RBMS3: variants seen among roughly 807,000 people sequenced by gnomAD.
RBMS3 encodes RNA-binding motif, single-stranded-interacting protein 3.
RBMS3 carries 27 observed loss-of-function variants against 66.8 expected under a neutral mutation model. The ratio of observed to expected loss-of-function variants is 0.40; its 90% CI spans 0.30 to 0.56. RBMS3 has a LOEUF of 0.56. Among genes scored for constraint, RBMS3 ranks in the 20% least tolerant of loss-of-function variants. The pLI is 0.40. For synonymous variants in RBMS3, 188 were observed against 183.0 expected, an observed-to-expected ratio of 1.03 and a Z score of -0.22; for missense variants, 513 against 549.5, an observed-to-expected ratio of 0.93 and a Z score of 0.66.
Position 29,431,903 on chromosome 3 carries a change from T to A in RBMS3, c.76-2840T>A, listed in dbSNP as rs1559356079. Among the ~76,000 whole-genome samples the A allele has an allele frequency of 1.3e-5, 2 of 152,060 alleles. 1 individual carries two copies. The highest frequency in any genetic ancestry group is 6.8e-3 in the Middle Eastern group (2 of 294). On this transcript the variant is annotated intron_variant, in intron 1 of 14. Transcript: ENST00000383767. Reference sequence around the variant, plus strand: ...ACCACACCCAGCTAATTTTTGTGTATTTTTTATAGAGATGGGGTTTTGCCA... The same window carrying A: ...ACCACACCCAGCTAATTTTTGTGTAATTTTTATAGAGATGGGGTTTTGCCA...
intron 5 of RBMS3, among the ~76,000 whole-genome samples, chr3:29,753,243 C>G (rs576077976): frequency 6.6e-6 from 1 of 152,076 alleles, no homozygotes; most frequent in East Asian, 1.9e-4. Context: ...AGGCAGTGCA[C>G]CTAGATATTT....
intron 1 of RBMS3, among the ~76,000 whole-genome samples, chr3:29,311,292 T>C (rs932610186): frequency 6.6e-6 from 1 of 151,742 alleles, no homozygotes; most frequent in African/African-American, 2.4e-5. Context: ...CTTCTCTGAA[T>C]TGAAATTGAG....
At chr3:29,340,118 A>G (rs2036195596) in intron 1 of RBMS3, among the ~76,000 whole-genome samples, 1 of 152,192 alleles carries the variant, frequency 6.6e-6, no homozygotes. Context: ...ATAGGAAGAT[A>G]TTTTGATAGA....
intron 10 of RBMS3, among the ~76,000 whole-genome samples, chr3:29,904,476 T>C (rs1204662801): frequency 6.6e-6 from 1 of 152,002 alleles, no homozygotes; most frequent in East Asian, 1.9e-4. Flanking sequence ...TCAATAAATA[T>C]GAGCCATATA....
At chr3:29,627,658 G>A (rs2049118608) in intron 4 of RBMS3, among the ~76,000 whole-genome samples, 1 of 152,054 alleles carries the variant, frequency 6.6e-6, no homozygotes, top group African/African-American at 2.4e-5. Flanking sequence ...ATAAGTGTTT[G>A]CCTTTTAATA....
chr3:29,431,772 C>T (rs2041216065), intron 1 of RBMS3, among the ~76,000 whole-genome samples: 1 of 152,106 alleles, frequency 6.6e-6, no homozygotes, highest in African/African-American at 2.4e-5. Context: ...GTTGCCCAGG[C>T]TAGAGTGCAG....
At chr3:29,453,470 A>G (rs2042078416) in intron 2 of RBMS3, among the ~76,000 whole-genome samples, 1 of 152,190 alleles carries the variant, frequency 6.6e-6, no homozygotes, top group African/African-American at 2.4e-5. Flanking sequence ...TGGTTATTGC[A>G]GCGAATCCGA....
chr3:29,404,833 C>T (rs939384779), intron 1 of RBMS3, among the ~76,000 whole-genome samples: 1 of 152,096 alleles, frequency 6.6e-6, no homozygotes, highest in Non-Finnish European at 1.5e-5. Context: ...CCCAATACCT[C>T]TGGTGAAAAA....
At chr3:29,590,338 A>G (rs1427113429) in intron 4 of RBMS3, among the ~76,000 whole-genome samples, 1 of 152,120 alleles carries the variant, frequency 6.6e-6, no homozygotes, top group Non-Finnish European at 1.5e-5. Flanking sequence ...TTTAGCATAG[A>G]GCCTAGATCA....
At chr3:29,887,897 A>G (rs988084441) in intron 8 of RBMS3, among the ~76,000 whole-genome samples, 2 of 151,804 alleles carry the variant, frequency 1.3e-5, no homozygotes, top group Non-Finnish European at 2.9e-5. Context: ...ACAAATCGAC[A>G]TAGAAAATAA....
chr3:29,779,427 C>A (rs1429012325), intron 6 of RBMS3, among the ~76,000 whole-genome samples: 2 of 151,502 alleles, frequency 1.3e-5, no homozygotes, highest in South Asian at 4.2e-4. Context: ...AGTATCCTTT[C>A]TTTGAATGGG....
At chr3:29,866,215 C>T (rs899480160) in intron 6 of RBMS3, among the ~76,000 whole-genome samples, 1 of 151,816 alleles carries the variant, frequency 6.6e-6, no homozygotes, top group African/African-American at 2.4e-5. Context: ...GTGATGGTCA[C>T]ATAGGCATAT....
Position 30,008,114 on chromosome 3 carries a change from A to G in RBMS3, c.*4252A>G, listed in dbSNP as rs191760373. ...AAACCTCTTTATTTAAATAATTGGGATATTTGCTAAATACCTATTTTTTTT... is the reference window on the plus strand; with the variant it reads ...AAACCTCTTTATTTAAATAATTGGGGTATTTGCTAAATACCTATTTTTTTT... On this transcript the variant is annotated 3_prime_UTR_variant, in exon 15 of 15. Coordinates refer to ENST00000383767, the MANE Select transcript of RBMS3 (RefSeq NM_001003793.3). 3 of 151,248 alleles carry G rather than the reference A, an allele frequency of 2.0e-5. No individual in the cohort carries two copies. Among genetic ancestry groups the G allele is most frequent in the Non-Finnish European group, 4.4e-5 (3 of 67,928 alleles). The allele number at this position is 151,248 out of a possible 1,614,324, so 9.4% of individuals were successfully genotyped here.
intron 1 of RBMS3, among the ~76,000 whole-genome samples, chr3:29,410,189 G>A (rs1290959486): frequency 6.6e-6 from 1 of 152,222 alleles, no homozygotes; most frequent in African/African-American, 2.4e-5. Flanking sequence ...CTATTGGAAT[G>A]TAAATTATTC....
chr3:29,880,744 C>G, intron 7 of RBMS3: 4 of 1,528,168 alleles, frequency 2.6e-6, no homozygotes, highest in Non-Finnish European at 3.5e-6. Context: ...TGCATATGAC[C>G]TGACACTATC....
intron 4 of RBMS3, among the ~76,000 whole-genome samples, chr3:29,716,735 G>A (rs781069052): frequency 6.6e-6 from 1 of 152,100 alleles, no homozygotes; most frequent in East Asian, 1.9e-4. Context: ...GGCAAAAAAG[G>A]CATCTACATA....
At position 29,697,230 on chromosome 3, in the gene RBMS3, G is replaced by C. The variant is rs558761511; in HGVS notation, c.400-42490G>C. The C allele has an allele frequency of 1.0e-4, 62 of 604,416 alleles. No homozygotes were observed. The Middle Eastern group carries it at 5.2e-3, about 51-fold the overall frequency. The allele number at this position is 604,416 out of a possible 1,614,324, so 37.4% of individuals were successfully genotyped here. ...ATACAATTGGTTTATATTAAAATTTGCTATTGAAACAAATGTAGTTTTGGT... is the reference window on the plus strand; with the variant it reads ...ATACAATTGGTTTATATTAAAATTTCCTATTGAAACAAATGTAGTTTTGGT... On this transcript the variant is annotated intron_variant, in intron 4 of 14. Transcript: ENST00000383767.
At chr3:29,962,305 T>C (rs1440742811) in intron 12 of RBMS3, among the ~76,000 whole-genome samples, 4 of 151,452 alleles carry the variant, frequency 2.6e-5, no homozygotes, top group Admixed American at 2.6e-4. Flanking sequence ...CAATGATCAG[T>C]ACCTTCGCAT....
intron 12 of RBMS3, among the ~76,000 whole-genome samples, chr3:29,983,092 T>C (rs1218274325): frequency 1.3e-5 from 2 of 152,222 alleles, no homozygotes; most frequent in Non-Finnish European, 1.5e-5. Context: ...TGGGTGCTCA[T>C]GTATTGGGTG....
Sources: gnomAD v4.1 joint callset for allele counts (sites outside exome capture counted in the v4.1 genomes callset) on GRCh38, gnomAD v4.1.1 for gene constraint, MANE v1.5 for transcripts, NCBI Gene and HGNC (gene_info 2026-07-23, HGNC 2026-07-21) for gene names.